CREG2: variants seen among roughly 807,000 people sequenced by gnomAD.
The protein encoded by CREG2 is cellular repressor of E1A stimulated genes 2.
A neutral mutation model predicts 26.2 loss-of-function variants in CREG2; 24 were observed. That is an observed-to-expected ratio of 0.92 (90% CI 0.66 to 1.29). The LOEUF (loss-of-function observed/expected upper bound fraction) is 1.29, where lower values mean the gene tolerates loss of function less well. Ranked by LOEUF, CREG2 falls within the 50% of genes most tolerant of loss-of-function variation. CREG2 has a pLI of 0.00. For synonymous variants in CREG2, 174 were observed against 169.2 expected, an observed-to-expected ratio of 1.03 and a Z score of -0.22; for missense variants, 366 against 398.6, an observed-to-expected ratio of 0.92 and a Z score of 0.70.
Position 101,387,319 on chromosome 2 carries a change from C to T in CREG2, c.139G>A (p.Asp47Asn). 6 of 1,498,216 alleles carry T rather than the reference C, an allele frequency of 4.0e-6. No homozygotes were observed. The highest frequency in any genetic ancestry group is 5.4e-6 in the Non-Finnish European group (6 of 1,118,288). The allele number at this position is 1,498,216 out of a possible 1,614,324, so 92.8% of individuals were successfully genotyped here. The part of the protein sequence containing the change: ...SVSWAVTNEV[D>N]EELDSASTEE... Reference sequence around the variant, plus strand: ...GTGGAGGCGCTGTCCAGCTCCTCGTCCACCTCGTTGGTGACGGCCCAAGAC... The same window carrying T: ...GTGGAGGCGCTGTCCAGCTCCTCGTTCACCTCGTTGGTGACGGCCCAAGAC... The change falls in exon 1 of 4, where the codon GAC becomes AAC. Residue 47 changes from aspartate to asparagine, a missense_variant. Physicochemically the swap from Asp to Asn is conservative, Grantham distance 23. Coordinates refer to ENST00000324768, the MANE Select transcript of CREG2 (RefSeq NM_153836.4). This position sits in a 1 kb window ranked among gnomAD's most constrained non-coding sequence, Gnocchi z 4.7.
chr2:101,358,599 A>G (rs1183152412), intron 2 of CREG2, among the ~76,000 whole-genome samples: 2 of 152,220 alleles, frequency 1.3e-5, no homozygotes, highest in Admixed American at 1.3e-4. Flanking sequence ...AGCCTTTAAA[A>G]TAGATGAGAT....
At chr2:101,380,049 TCATC>T (rs949945604) in intron 2 of CREG2, among the ~76,000 whole-genome samples, 41 of 149,120 alleles carry the variant, frequency 2.7e-4, no homozygotes, top group South Asian at 2.5e-3. Context: ...TATCATCTAT[TCATC>T]CATCCATCCA....
rs138508031 is a variant in CREG2 at position 101,370,915 on chromosome 2, C to T, written c.611+12618G>A. On this transcript the variant is annotated intron_variant, in intron 2 of 3. Coordinates refer to ENST00000324768, the MANE Select transcript of CREG2 (RefSeq NM_153836.4). The stretch of plus-strand genomic sequence containing the variant: ...GATCCTCTGGGACTGAAACGGGGCA[C>T]GCTGGCAGCTCCCCGCCTGCTGAGG... Among the ~76,000 whole-genome samples the T allele has an allele frequency of 9.8e-4, 150 of 152,286 alleles. No homozygotes were observed. The East Asian group carries it at 0.025, about 26-fold the overall frequency.
At chr2:101,360,897 CTG>C (rs781182143) in intron 2 of CREG2, among the ~76,000 whole-genome samples, 1 of 152,044 alleles carries the variant, frequency 6.6e-6, no homozygotes, top group Non-Finnish European at 1.5e-5. Context: ...GTAAAAATAA[CTG>C]AGACGCATAG....
chr2:101,381,338 T>A (rs1031579725), intron 2 of CREG2, among the ~76,000 whole-genome samples: 4 of 152,180 alleles, frequency 2.6e-5, no homozygotes, highest in Admixed American at 1.3e-4. Flanking sequence ...TCTTTTTCAA[T>A]GCCAGCCACA....
Position 101,387,231 on chromosome 2 carries a change from G to A in CREG2, c.227C>T (p.Ala76Val). The change falls in exon 1 of 4, where the codon GCC becomes GTC. Residue 76 changes from alanine (A) to valine (V), a missense_variant. By Grantham distance (64) the Ala-to-Val change is moderately conservative (BLOSUM62 0). Around this residue, in one of 3 missense-constraint regions of CREG2, gnomAD observed 177 missense variants for 183.3 expected, o/e 0.97. Transcript: ENST00000324768. The surrounding 1 kb of genome is among the most constrained non-coding windows in gnomAD (Gnocchi z 4.7). ...SGSIWQQSFP[A>V]SAHKEDAHLR... ...GTGCGCGTCCTCCTTGTGGGCAGAG[G>A]CGGGGAAGCTTTGCTGCCAGATGCT... 7.0e-7 allele frequency: 1 copy of A among 1,432,708 alleles called. No individual in the cohort carries two copies. The highest frequency in any genetic ancestry group is 1.4e-5 in the South Asian group (1 of 70,244). The allele number at this position is 1,432,708 out of a possible 1,614,324, so 88.7% of individuals were successfully genotyped here.
At chr2:101,384,984 G>A (rs1206394897) in intron 1 of CREG2, among the ~76,000 whole-genome samples, 1 of 152,098 alleles carries the variant, frequency 6.6e-6, no homozygotes, top group Non-Finnish European at 1.5e-5. Flanking sequence ...AGCAGTCTGA[G>A]GCCTCCCCAG....
In CREG2 at chr2:101,387,181, G is replaced by C. The variant is rs770725524; in HGVS notation, c.277C>G (p.Arg93Gly). The part of the protein sequence containing the change: ...AHLRPRAGAA[R>G]ARPPPAPPGM... ...GGTGGCGCGGGGGGCGGCCTGGCCC[G>C]GGCGGCGCCCGCCCGGGGCCGCAGG... Residue 93 changes from arginine (R) to glycine (G), a missense_variant, in exon 1 of 4, where the codon CGG (arginine) becomes GGG (glycine). By Grantham distance (125) the Arg-to-Gly change is moderately radical. Transcript: ENST00000324768. The surrounding 1 kb of genome is among the most constrained non-coding windows in gnomAD (Gnocchi z 4.7). The C allele has an allele frequency of 2.3e-6, 3 of 1,330,184 alleles. No homozygotes were observed. The highest frequency in any genetic ancestry group is 3.1e-5 in the Admixed American group (1 of 31,988). The allele number at this position is 1,330,184 out of a possible 1,614,324, so 82.4% of individuals were successfully genotyped here.
rs896410330 is a variant in CREG2, at chr2:101,347,821, C to A, written c.*3102G>T. The A allele has an allele frequency of 6.6e-6, 1 of 152,114 alleles. No homozygotes were observed. Among genetic ancestry groups the A allele is most frequent in the African/African-American group, 2.4e-5 (1 of 41,418 alleles). 9.4% of individuals were successfully genotyped at this position (152,114 alleles called of 1,614,324 possible). On this transcript the variant is annotated 3_prime_UTR_variant, in exon 4 of 4. Coordinates refer to ENST00000324768, the MANE Select transcript of CREG2 (RefSeq NM_153836.4). Reference sequence around the variant, plus strand: ...TTTTGCAGAACAAATGTTTTAAATTCTGATGAAGTTTAATTTATCAAATTT... The same window carrying A: ...TTTTGCAGAACAAATGTTTTAAATTATGATGAAGTTTAATTTATCAAATTT...
At chr2:101,360,125 T>G (rs985758280) in intron 2 of CREG2, among the ~76,000 whole-genome samples, 2 of 152,234 alleles carry the variant, frequency 1.3e-5, no homozygotes, top group Non-Finnish European at 2.9e-5. Flanking sequence ...CTCCCTTTTT[T>G]TCTTTCAAAC....
At chr2:101,374,704 C>T (rs868461841) in intron 2 of CREG2, among the ~76,000 whole-genome samples, 1 of 152,190 alleles carries the variant, frequency 6.6e-6, no homozygotes, top group Non-Finnish European at 1.5e-5. Flanking sequence ...CTAAAAATGA[C>T]TGAATGAATA....
At chr2:101,383,506 T>C in intron 2 of CREG2, 27 bp downstream of exon 2, 1 of 1,612,178 alleles carries the variant, frequency 6.2e-7, no homozygotes, top group Non-Finnish European at 8.5e-7. Flanking sequence ...CCAGGACCCG[T>C]GTGAGTGAGG....
intron 2 of CREG2, among the ~76,000 whole-genome samples, chr2:101,356,035 A>G (rs1203193430): frequency 6.6e-6 from 1 of 152,014 alleles, no homozygotes; most frequent in Non-Finnish European, 1.5e-5. Flanking sequence ...GGTTTTATGA[A>G]GCAGTGGAAG....
At chr2:101,380,109 T>C (rs1684850217) in intron 2 of CREG2, among the ~76,000 whole-genome samples, 1 of 152,210 alleles carries the variant, frequency 6.6e-6, no homozygotes, top group Non-Finnish European at 1.5e-5. Context: ...CAATCATCTA[T>C]TATCTATGTA....
At chr2:101,381,618 T>A (rs1424097288) in intron 2 of CREG2, among the ~76,000 whole-genome samples, 1 of 152,206 alleles carries the variant, frequency 6.6e-6, no homozygotes, top group Non-Finnish European at 1.5e-5. Context: ...TTAAACAGTG[T>A]CAGGGGTATA....
chr2:101,374,990 C>T (rs1684767046), intron 2 of CREG2, among the ~76,000 whole-genome samples: 1 of 152,218 alleles, frequency 6.6e-6, no homozygotes, highest in African/African-American at 2.4e-5. Context: ...GACCCGCCTG[C>T]TGACACCCTC....
rs746706001 is a variant in CREG2, at chr2:101,347,614, C to T, written c.*3309G>A. On this transcript the variant is annotated 3_prime_UTR_variant, in exon 4 of 4. Coordinates refer to ENST00000324768, the MANE Select transcript of CREG2 (RefSeq NM_153836.4). Reference sequence around the variant, plus strand: ...CATGTCTTTTCATGCGCTTATTTGCCATTTTTATATCCTCTGCAGTGAAAT... The same window carrying T: ...CATGTCTTTTCATGCGCTTATTTGCTATTTTTATATCCTCTGCAGTGAAAT... 12 of 152,092 alleles carry T rather than the reference C, an allele frequency of 7.9e-5. No homozygotes were observed. Among genetic ancestry groups the T allele is most frequent in the Admixed American group, 2.6e-4 (4 of 15,252 alleles). 9.4% of individuals were successfully genotyped at this position (152,092 alleles called of 1,614,324 possible).
chr2:101,352,372 G>A (rs541431997), intron 3 of CREG2, among the ~76,000 whole-genome samples: 1 of 152,288 alleles, frequency 6.6e-6, no homozygotes, highest in East Asian at 1.9e-4. Context: ...ACCTACTTTT[G>A]TACTGATAAC....
intron 2 of CREG2, among the ~76,000 whole-genome samples, chr2:101,375,436 G>T (rs1023494198): frequency 4.6e-5 from 7 of 152,356 alleles, no homozygotes; most frequent in Admixed American, 3.9e-4. Context: ...GTAAGAAGGG[G>T]TGTGGCCCAT....
Sources: gnomAD v4.1 joint callset for allele counts (sites outside exome capture counted in the v4.1 genomes callset) on GRCh38, gnomAD v4.1.1 for gene constraint, gnomAD v4.1.1 regional missense constraint, Gnocchi (gnomAD v3.1) non-coding constraint, MANE v1.5 for transcripts, NCBI Gene and HGNC (gene_info 2026-07-23, HGNC 2026-07-21) for gene names.